SPTLC3: variants seen among roughly 807,000 people sequenced by gnomAD.
SPTLC3 encodes serine palmitoyltransferase long chain base subunit 3, also known as serine palmitoyltransferase 3.
A neutral mutation model predicts 59.3 loss-of-function variants in SPTLC3; 36 were observed. That is an observed-to-expected ratio of 0.61 (90% CI 0.47 to 0.80). The LOEUF (loss-of-function observed/expected upper bound fraction) is 0.80, where lower values mean the gene tolerates loss of function less well. Ranked by LOEUF, SPTLC3 falls within the 30% of genes least tolerant of loss-of-function variation. The probability of loss-of-function intolerance (pLI) is 0.00; values close to 1 mark genes in which losing one functional copy is unlikely to be tolerated. For synonymous variants in SPTLC3, 257 were observed against 240.8 expected, an observed-to-expected ratio of 1.07 and a Z score of -0.62; for missense variants, 625 against 685.1, an observed-to-expected ratio of 0.91 and a Z score of 0.98.
intron 1 of SPTLC3, among the ~76,000 whole-genome samples, chr20:13,015,208 A>C (rs1398122153): frequency 6.6e-6 from 1 of 152,208 alleles, no homozygotes; most frequent in Non-Finnish European, 1.5e-5. Flanking sequence ...GAAAAGGGAT[A>C]TATCAAGGGT....
In SPTLC3 at chr20:13,123,947, G is replaced by A. The variant is rs568127221; in HGVS notation, c.1153-2644G>A. On this transcript the variant is annotated intron_variant, in intron 8 of 11. Transcript: ENST00000399002. Reference sequence around the variant, plus strand: ...CCCTGCTGCTGCTCCTCAGGAGCACGGAACATGCCACTGTGAAGGACAGCC... The same window carrying A: ...CCCTGCTGCTGCTCCTCAGGAGCACAGAACATGCCACTGTGAAGGACAGCC... 1.7e-3 allele frequency among the ~76,000 whole-genome samples: 263 copies of A among 151,646 alleles called. 1 individual carries two copies. Among genetic ancestry groups the A allele is most frequent in the African/African-American group, 5.8e-3 (241 of 41,436 alleles).
chr20:13,011,651 C>T (rs1266128535), intron 1 of SPTLC3, among the ~76,000 whole-genome samples: 2 of 152,158 alleles, frequency 1.3e-5, no homozygotes, highest in Admixed American at 6.5e-5. Flanking sequence ...AGTCTCAAGG[C>T]TGGCAAGGAC....
intron 3 of SPTLC3, chr20:13,073,689 C>A: frequency 2.6e-6 from 1 of 383,520 alleles, no homozygotes. Context: ...TGCTTATCTG[C>A]TTGTTCATTG....
intron 10 of SPTLC3, among the ~76,000 whole-genome samples, chr20:13,157,218 A>C (rs374009555): frequency 2.2e-4 from 34 of 151,290 alleles, no homozygotes; most frequent in African/African-American, 8.0e-4. Context: ...CAGATGGATC[A>C]CCTGAGGTCA....
At chr20:13,054,071 T>C (rs938349072) in intron 2 of SPTLC3, among the ~76,000 whole-genome samples, 7 of 152,054 alleles carry the variant, frequency 4.6e-5, no homozygotes, top group Non-Finnish European at 1.0e-4. Flanking sequence ...GATGAATAAA[T>C]AGTAAGGCAA....
chr20:13,048,061 C>T lies in SPTLC3; in HGVS notation c.118-884C>T, dbSNP rs188177508. On this transcript the variant is annotated intron_variant, in intron 1 of 11. Coordinates refer to ENST00000399002, the MANE Select transcript of SPTLC3 (RefSeq NM_018327.4). ...AATAAGAATAACAGGCTTTAACTGA[C>T]AAAGATCAAAAAAGACAAAGAAGGG... Among the ~76,000 whole-genome samples the T allele has an allele frequency of 4.1e-4, 63 of 152,042 alleles. 2 individuals carry two copies. Among genetic ancestry groups the T allele is most frequent in the South Asian group, 3.3e-3 (16 of 4,814 alleles).
At chr20:13,123,049 G>A (rs1472933642) in intron 8 of SPTLC3, among the ~76,000 whole-genome samples, 1 of 152,098 alleles carries the variant, frequency 6.6e-6, no homozygotes, top group Non-Finnish European at 1.5e-5. Flanking sequence ...AACAATACTC[G>A]GCCAGGCGTG....
chr20:13,093,407 G>A (rs1291438932), intron 5 of SPTLC3, 77 bp from the exon 6 acceptor site: 7 of 1,324,474 alleles, frequency 5.3e-6, no homozygotes, highest in Non-Finnish European at 7.5e-6. Context: ...GTTTTAGAGT[G>A]TCTTCCTGTC....
intron 3 of SPTLC3, 102 bp from the exon 4 acceptor site, chr20:13,074,247 C>T (rs1349277100): frequency 6.8e-7 from 1 of 1,463,754 alleles, no homozygotes. Context: ...TCACCTCATC[C>T]TCTTTTTCTT....
rs1049373166 is a variant in SPTLC3, at chr20:13,168,297, C to A, written c.*3430C>A. The A allele has an allele frequency of 6.6e-6, 1 of 152,092 alleles. No individual in the cohort carries two copies. The highest frequency in any genetic ancestry group is 1.5e-5 in the Non-Finnish European group (1 of 68,212). The allele number at this position is 152,092 out of a possible 1,614,324, so 9.4% of individuals were successfully genotyped here. ...CTCCCGGGTTCAAGCGATTCTCCTGCCTCAGCCTCCTGAGGAGCTGAGTTT... is the reference window on the plus strand; with the variant it reads ...CTCCCGGGTTCAAGCGATTCTCCTGACTCAGCCTCCTGAGGAGCTGAGTTT... On this transcript the variant is annotated 3_prime_UTR_variant, in exon 12 of 12. Coordinates refer to ENST00000399002, the MANE Select transcript of SPTLC3 (RefSeq NM_018327.4).
intron 2 of SPTLC3, among the ~76,000 whole-genome samples, chr20:13,066,111 C>T (rs1988199202): frequency 6.6e-6 from 1 of 152,356 alleles, no homozygotes; most frequent in African/African-American, 2.4e-5. Context: ...CTACTCTCTG[C>T]TCCTATGATT....
At chr20:13,033,732 T>C (rs1986605489) in intron 1 of SPTLC3, among the ~76,000 whole-genome samples, 1 of 152,224 alleles carries the variant, frequency 6.6e-6, no homozygotes, top group Non-Finnish European at 1.5e-5. Flanking sequence ...TTCTGTTCTT[T>C]CATTAATGAA....
intron 2 of SPTLC3, among the ~76,000 whole-genome samples, chr20:13,062,450 T>C (rs1988011291): frequency 6.6e-6 from 1 of 152,226 alleles, no homozygotes; most frequent in Admixed American, 6.5e-5. Flanking sequence ...GTACAAGATA[T>C]ATATTTTTAT....
intron 3 of SPTLC3, chr20:13,073,829 G>T: frequency 1.7e-6 from 1 of 581,438 alleles, no homozygotes; most frequent in East Asian, 4.3e-5. Flanking sequence ...ACTCAGTTTG[G>T]GGAAAGTTCC....
intron 2 of SPTLC3, among the ~76,000 whole-genome samples, chr20:13,052,713 C>T (rs574814175): frequency 6.6e-6 from 1 of 152,192 alleles, no homozygotes; most frequent in Admixed American, 6.5e-5. Flanking sequence ...GCAGGAGGGG[C>T]ATCCACCATT....
intron 9 of SPTLC3, among the ~76,000 whole-genome samples, chr20:13,147,018 G>T: frequency 6.6e-6 from 1 of 152,152 alleles, no homozygotes; most frequent in Middle Eastern, 3.2e-3. Flanking sequence ...TCCTTGCTTG[G>T]GGATTAAATA....
At chr20:13,134,734 G>A (rs1386600339) in intron 9 of SPTLC3, among the ~76,000 whole-genome samples, 1 of 151,992 alleles carries the variant, frequency 6.6e-6, no homozygotes, top group African/African-American at 2.4e-5. Context: ...TGGAATTCTG[G>A]CAGATGCAAA....
intron 9 of SPTLC3, among the ~76,000 whole-genome samples, chr20:13,138,484 C>T (rs1213728423): frequency 1.3e-5 from 2 of 152,148 alleles, no homozygotes; most frequent in Non-Finnish European, 2.9e-5. Flanking sequence ...TCACACACAC[C>T]CCTAACCCAG....
intron 10 of SPTLC3, among the ~76,000 whole-genome samples, chr20:13,158,441 G>T (rs1157507348): frequency 1.3e-5 from 2 of 152,098 alleles, no homozygotes; most frequent in African/African-American, 2.4e-5. Flanking sequence ...GCTTCCTTTG[G>T]CACAAAGAGA....
Sources: gnomAD v4.1 joint callset for allele counts (sites outside exome capture counted in the v4.1 genomes callset) on GRCh38, gnomAD v4.1.1 for gene constraint, MANE v1.5 for transcripts, NCBI Gene and HGNC (gene_info 2026-07-23, HGNC 2026-07-21) for gene names.